The following OPCML variants were observed in gnomAD, a reference collection of about 807,000 sequenced individuals.
OPCML encodes opioid binding protein/cell adhesion molecule like, also known as opioid-binding protein/cell adhesion molecule.
A neutral mutation model predicts 37.8 loss-of-function variants in OPCML; 13 were observed. The observed-to-expected ratio is 0.34, with a 90% CI of 0.22 to 0.55. The LOEUF (loss-of-function observed/expected upper bound fraction) is 0.55. OPCML is among the 20% of genes least tolerant of loss of function. The pLI, the probability that OPCML is intolerant of heterozygous loss-of-function variation, is 0.91. For synonymous variants in OPCML, 176 were observed against 168.8 expected, an observed-to-expected ratio of 1.04 and a Z score of -0.33; for missense variants, 341 against 435.6, an observed-to-expected ratio of 0.78 and a Z score of 1.93.
chr11:133,165,007 T>C (rs755364310), intron 1 of OPCML, among the ~76,000 whole-genome samples: 2 of 152,230 alleles, frequency 1.3e-5, no homozygotes, highest in Admixed American at 6.5e-5. Context: ...GATTTAAGGG[T>C]AAATGAACTA....
In OPCML at chr11:132,943,262, C is replaced by A; in HGVS notation, c.62-252G>T. On this transcript the variant is annotated intron_variant, in intron 1 of 7. Transcript: ENST00000524381. The surrounding 1 kb of genome is among the most constrained non-coding windows in gnomAD (Gnocchi z 4.3). ...CCGGGCTCTCCGGAGTCTGAGAATT[C>A]TTCCTCAGATCCTGCCTCAGCTTTC... 2.1e-6 allele frequency: 2 copies of A among 969,674 alleles called. No homozygotes were observed. Among genetic ancestry groups the A allele is most frequent in the Non-Finnish European group, 3.0e-6 (2 of 663,964 alleles). The allele number at this position is 969,674 out of a possible 1,614,324, so 60.1% of individuals were successfully genotyped here.
In OPCML at chr11:133,354,875, T is replaced by C. The variant is rs567985510; in HGVS notation, c.61+177389A>G. Among the ~76,000 whole-genome samples, 25 of 152,310 alleles carry C rather than the reference T, an allele frequency of 1.6e-4. No homozygotes were observed. In the South Asian group the frequency reaches 5.0e-3, roughly 30 times the overall value. ...CATTACATGCCTACAGAATGTGAAA[T>C]TGTAGAAAGATAAGTTCTCCTCAAA... On this transcript the variant is annotated intron_variant, in intron 1 of 7. Transcript: ENST00000524381.
chr11:132,569,975 T>A (rs1282842902), intron 3 of OPCML, among the ~76,000 whole-genome samples: 3 of 148,434 alleles, frequency 2.0e-5, no homozygotes, highest in Admixed American at 6.7e-5. Context: ...GAAAAGCTAA[T>A]GAATCCAGGT....
intron 1 of OPCML, among the ~76,000 whole-genome samples, chr11:133,043,959 G>T (rs1317638757): frequency 6.6e-6 from 1 of 152,176 alleles, no homozygotes; most frequent in Non-Finnish European, 1.5e-5. Context: ...CTGAATCGAG[G>T]GGGGCACAGC....
rs1939385126 is a variant in OPCML, at chr11:133,212,089, G to T, written c.62-269079C>A. 6.6e-6 allele frequency among the ~76,000 whole-genome samples: 1 copy of T among 152,126 alleles called. No homozygotes were observed. The highest frequency in any genetic ancestry group is 2.4e-5 in the African/African-American group (1 of 41,420). ...CCTTTAAAGGGGTGGGGTTACACCTGCATAGTGAGGTGGGGGGTCAGGATC... is the reference window on the plus strand; with the variant it reads ...CCTTTAAAGGGGTGGGGTTACACCTTCATAGTGAGGTGGGGGGTCAGGATC... On this transcript the variant is annotated intron_variant, in intron 1 of 7. Transcript: ENST00000524381. This position sits in a 1 kb window ranked among gnomAD's most constrained non-coding sequence, Gnocchi z 4.9.
intron 1 of OPCML, among the ~76,000 whole-genome samples, chr11:133,275,168 C>A (rs1204424300): frequency 6.6e-6 from 1 of 152,150 alleles, no homozygotes; most frequent in Non-Finnish European, 1.5e-5. Context: ...TTGTCCACAG[C>A]CTACCTGGGT....
chr11:133,267,686 T>A (rs551488208), intron 1 of OPCML, among the ~76,000 whole-genome samples: 2 of 152,318 alleles, frequency 1.3e-5, no homozygotes, highest in East Asian at 3.9e-4. Flanking sequence ...ATTGTAGCTC[T>A]CACAATTCCC....
rs149020175 is a variant in OPCML at position 132,887,398 on chromosome 11, A to G, written c.146+55528T>C. On this transcript the variant is annotated intron_variant, in intron 2 of 7. Coordinates refer to ENST00000524381, the MANE Select transcript of OPCML (RefSeq NM_001012393.5). ...GTCAAGCAGCACATGACTGTGTTTC[A>G]TCTTCCAACTCCTTGTTCTGAAAAG... Among the ~76,000 whole-genome samples the G allele has an allele frequency of 9.4e-4, 143 of 152,302 alleles. 1 individual carries two copies. The East Asian group carries it at 0.024, about 25-fold the overall frequency.
intron 2 of OPCML, among the ~76,000 whole-genome samples, chr11:132,755,144 A>G (rs550742597): frequency 1.3e-5 from 2 of 152,350 alleles, no homozygotes; most frequent in East Asian, 3.9e-4. Context: ...ACAATTTCCT[A>G]TGGTTCAACC....
chr11:132,781,259 G>A (rs1299643885), intron 2 of OPCML, among the ~76,000 whole-genome samples: 2 of 152,038 alleles, frequency 1.3e-5, no homozygotes, highest in Non-Finnish European at 2.9e-5. Context: ...CAAAGTGAGT[G>A]CCCTGCCCCT....
At chr11:133,063,911 T>C (rs1289493611) in intron 1 of OPCML, among the ~76,000 whole-genome samples, 4 of 152,188 alleles carry the variant, frequency 2.6e-5, no homozygotes, top group Admixed American at 6.5e-5. Context: ...CATTCCTGAA[T>C]TGAGAACGAT....
At chr11:132,548,719 C>T (rs2096374602) in intron 3 of OPCML, among the ~76,000 whole-genome samples, 1 of 152,106 alleles carries the variant, frequency 6.6e-6, no homozygotes, top group Admixed American at 6.5e-5. Context: ...GAAGGCTGGA[C>T]CCAAGTTAAA....
At chr11:132,801,807 T>C (rs1938665931) in intron 2 of OPCML, among the ~76,000 whole-genome samples, 1 of 152,188 alleles carries the variant, frequency 6.6e-6, no homozygotes, top group Admixed American at 6.5e-5. Context: ...TTGAGTGCTA[T>C]TATGTGCCAT....
chr11:132,441,230 G>C lies in OPCML; in HGVS notation c.506-3871C>G, dbSNP rs530743024. 1.5e-3 allele frequency among the ~76,000 whole-genome samples: 194 copies of C among 132,044 alleles called. 3 individuals are homozygous for C. Among genetic ancestry groups the C allele is most frequent in the African/African-American group, 5.0e-3 (161 of 32,198 alleles). The allele number at this position is 132,044 out of a possible 152,430, so 86.6% of individuals were successfully genotyped here. The stretch of plus-strand genomic sequence containing the variant: ...TCGCCCAGGCTGGAGTGCAGTGGCG[G>C]GATCTCGGCTCACTGCAAGCTCCGC... On this transcript the variant is annotated intron_variant, in intron 4 of 7. Transcript: ENST00000524381.
In OPCML at chr11:133,006,986, C is replaced by G. The variant is rs934185198; in HGVS notation, c.62-63976G>C. On this transcript the variant is annotated intron_variant, in intron 1 of 7. Transcript: ENST00000524381. ...AAATACCTGAACTGTTAATCCTTCTCCCTCTAAAGCAATCATATTCACTTA... is the reference window on the plus strand; with the variant it reads ...AAATACCTGAACTGTTAATCCTTCTGCCTCTAAAGCAATCATATTCACTTA... 2.0e-5 allele frequency: 20 copies of G among 985,324 alleles called. No homozygotes were observed. In the African/African-American group the frequency reaches 2.8e-4, roughly 14 times the overall value. The allele number at this position is 985,324 out of a possible 1,614,324, so 61.0% of individuals were successfully genotyped here. A position where few individuals can be genotyped will look rare whatever the true frequency, so the allele number is the denominator to read the frequency against.
At chr11:133,164,597 T>C (rs2137226279) in intron 1 of OPCML, among the ~76,000 whole-genome samples, 1 of 152,316 alleles carries the variant, frequency 6.6e-6, no homozygotes, top group East Asian at 1.9e-4. Context: ...GACAATTCCT[T>C]CCTTGTAATT....
In OPCML at chr11:133,205,111, T is replaced by G. The variant is rs765395614; in HGVS notation, c.62-262101A>C. ...AATTGGAACTTTCTGTCCCACCCTC[T>G]TCTTCCTGGGAGGGGAGATGAGGTG... On this transcript the variant is annotated intron_variant, in intron 1 of 7. Coordinates refer to ENST00000524381, the MANE Select transcript of OPCML (RefSeq NM_001012393.5). This position sits in a 1 kb window ranked among gnomAD's most constrained non-coding sequence, Gnocchi z 4.8. Among the ~76,000 whole-genome samples the G allele has an allele frequency of 1.6e-4, 25 of 151,808 alleles. No individual in the cohort carries two copies. The highest frequency in any genetic ancestry group is 2.5e-4 in the Non-Finnish European group (17 of 67,942).
intron 4 of OPCML, among the ~76,000 whole-genome samples, chr11:132,476,370 G>T (rs2096155598): frequency 6.6e-6 from 1 of 151,910 alleles, no homozygotes; most frequent in South Asian, 2.1e-4. Context: ...AAATCATGCT[G>T]CTATAAAGAC....
At chr11:132,809,450 C>T (rs984772627) in intron 2 of OPCML, among the ~76,000 whole-genome samples, 2 of 152,130 alleles carry the variant, frequency 1.3e-5, no homozygotes, top group Non-Finnish European at 2.9e-5. Flanking sequence ...GTGCTAAGTG[C>T]TGAACCAGGA....
Sources: allele counts gnomAD v4.1 joint callset (sites outside exome capture counted in the v4.1 genomes callset), GRCh38; gene constraint gnomAD v4.1.1; non-coding constraint Gnocchi (gnomAD v3.1); transcripts MANE v1.5; gene names NCBI Gene and HGNC (gene_info 2026-07-23, HGNC 2026-07-21).